Variants in ABHD6 observed in about 807,000 individuals in gnomAD.
The protein encoded by ABHD6 is abhydrolase domain containing 6, acylglycerol lipase.
In ABHD6, 33 loss-of-function variants were observed where a neutral mutation model predicts 38.8. The ratio of observed to expected loss-of-function variants is 0.85; its 90% CI spans 0.64 to 1.14. ABHD6 has a LOEUF of 1.14. Ranked by LOEUF, ABHD6 falls within the 50% of genes most tolerant of loss-of-function variation. The pLI is 0.00. For synonymous variants in ABHD6, 147 were observed against 161.6 expected, an observed-to-expected ratio of 0.91 and a Z score of 0.69; for missense variants, 380 against 422.6, an observed-to-expected ratio of 0.90 and a Z score of 0.88.
rs1006275353 is a variant in ABHD6, at chr3:58,255,875, C to T, written c.-25-687C>T. Among the ~76,000 whole-genome samples the T allele has an allele frequency of 2.1e-4, 31 of 151,186 alleles. 1 individual carries two copies. Among genetic ancestry groups the T allele is most frequent in the Admixed American group, 1.5e-3 (23 of 15,176 alleles). On this transcript the variant is annotated intron_variant, in intron 2 of 9. Coordinates refer to ENST00000478253, the MANE Select transcript of ABHD6 (RefSeq NM_001320126.2). ...GGCTAGGCTAGTCTCGAACTCCTGA[C>T]CTTAAGTGATCCGCCCACCTCAGCC...
At chr3:58,244,836 A>G (rs1215657396) in intron 1 of ABHD6, among the ~76,000 whole-genome samples, 1 of 152,222 alleles carries the variant, frequency 6.6e-6, no homozygotes, top group African/African-American at 2.4e-5. Context: ...CTTTTAAAAT[A>G]GATAGATTCG....
chr3:58,244,686 C>A (rs372103528), intron 1 of ABHD6, among the ~76,000 whole-genome samples: 9 of 151,796 alleles, frequency 5.9e-5, no homozygotes, highest in African/African-American at 1.9e-4. Context: ...ATCACTTGGG[C>A]CCAGGAGGTC....
At chr3:58,252,535 G>T (rs775279044) in intron 2 of ABHD6, among the ~76,000 whole-genome samples, 2 of 152,086 alleles carry the variant, frequency 1.3e-5, no homozygotes, top group African/African-American at 2.4e-5. Flanking sequence ...CCACCACACT[G>T]AGAGTTTCTC....
At chr3:58,243,179 CAT>C (rs1237121921) in intron 1 of ABHD6, among the ~76,000 whole-genome samples, 1 of 152,174 alleles carries the variant, frequency 6.6e-6, no homozygotes, top group Admixed American at 6.5e-5. Flanking sequence ...CTGCAATAAA[CAT>C]ATGTGTTCAT....
chr3:58,249,380 T>C (rs2107423184), intron 1 of ABHD6, among the ~76,000 whole-genome samples: 1 of 152,350 alleles, frequency 6.6e-6, no homozygotes, highest in Non-Finnish European at 1.5e-5. Context: ...CTCATTCTCT[T>C]GCTGCTGAGC....
intron 3 of ABHD6, among the ~76,000 whole-genome samples, chr3:58,262,691 G>T (rs2097437857): frequency 6.6e-6 from 1 of 152,080 alleles, no homozygotes; most frequent in South Asian, 2.1e-4. Context: ...TTCCATCTGG[G>T]CCATGGGTCT....
chr3:58,267,187 A>C lies in ABHD6; in HGVS notation c.120-2A>C, dbSNP rs1330710840. 1 of 1,613,710 alleles carries C rather than the reference A, an allele frequency of 6.2e-7. No individual in the cohort carries two copies. Reference sequence around the variant, plus strand: ...TTTGTCTTTATTTCTCACCCCTTCCAGGTACTGGCGGAGGACATTGGGCAT... The same window carrying C: ...TTTGTCTTTATTTCTCACCCCTTCCCGGTACTGGCGGAGGACATTGGGCAT... On this transcript the variant is annotated splice_acceptor_variant, in intron 3 of 9. Transcript: ENST00000478253. LOFTEE classifies it high-confidence loss of function. This position sits in a 1 kb window ranked among gnomAD's most constrained non-coding sequence, Gnocchi z 4.3.
In ABHD6 at chr3:58,256,508, C is replaced by CT. The variant is rs2107436638; in HGVS notation, c.-25-48dup. 4 of 1,103,378 alleles carry CT rather than the reference C, an allele frequency of 3.6e-6. No homozygotes were observed. Among genetic ancestry groups the CT allele is most frequent in the Admixed American group, 2.2e-5 (1 of 45,368 alleles). 68.3% of individuals were successfully genotyped at this position (1,103,378 alleles called of 1,614,324 possible). A position where few individuals can be genotyped will look rare whatever the true frequency, so the allele number is the denominator to read the frequency against. On this transcript the variant is annotated intron_variant, in intron 2 of 9. Coordinates refer to ENST00000478253, the MANE Select transcript of ABHD6 (RefSeq NM_001320126.2). This position sits in a 1 kb window ranked among gnomAD's most constrained non-coding sequence, Gnocchi z 4.3. ...TTTCTTGTCCCCTTTACTTCTTCGC[C>CT]TTTTTTCCTTTGATACAGAGTTTTA...
intron 6 of ABHD6, among the ~76,000 whole-genome samples, chr3:58,271,333 TA>T (rs3038089): frequency 0.54 from 80,149 of 149,048 alleles, 23,662 homozygotes; most frequent in African/African-American, 0.81. Context: ...ATTTAAAATT[TA>T]AAAAAAAAAA....
Position 58,285,454 on chromosome 3 carries a change from G to C in ABHD6, c.837+1G>C. ...GATCATCTGGGGGAAACAAGACCAGGTATGTAACACATCCCCGCGGCAGTC... is the reference window on the plus strand; with the variant it reads ...GATCATCTGGGGGAAACAAGACCAGCTATGTAACACATCCCCGCGGCAGTC... On this transcript the variant is annotated splice_donor_variant, in intron 9 of 9. Coordinates refer to ENST00000478253, the MANE Select transcript of ABHD6 (RefSeq NM_001320126.2). LOFTEE classifies it high-confidence loss of function. This position sits in a 1 kb window ranked among gnomAD's most constrained non-coding sequence, Gnocchi z 4.9. 4 of 1,613,198 alleles carry C rather than the reference G, an allele frequency of 2.5e-6. No individual in the cohort carries two copies. The highest frequency in any genetic ancestry group is 3.4e-6 in the Non-Finnish European group (4 of 1,179,134).
intron 7 of ABHD6, among the ~76,000 whole-genome samples, chr3:58,282,099 A>C (rs1050309009): frequency 1.3e-5 from 2 of 152,242 alleles, no homozygotes; most frequent in Non-Finnish European, 2.9e-5. Flanking sequence ...GAGAGAATGT[A>C]AGTGAAGAGG....
Position 58,287,633 on chromosome 3 carries a change from T to C in ABHD6, c.837+2180T>C, listed in dbSNP as rs978597626. ...CAGCAGAGAGTCATTTGATCAGGAA[T>C]CAGAGCCTGAGCAGCGAAGGCCTTC... On this transcript the variant is annotated intron_variant, in intron 9 of 9. Transcript: ENST00000478253. This position sits in a 1 kb window ranked among gnomAD's most constrained non-coding sequence, Gnocchi z 4.7. 6.6e-6 allele frequency among the ~76,000 whole-genome samples: 1 copy of C among 152,166 alleles called. No individual in the cohort carries two copies. Among genetic ancestry groups the C allele is most frequent in the African/African-American group, 2.4e-5 (1 of 41,444 alleles).
chr3:58,290,607 T>G (rs879022213), intron 9 of ABHD6, among the ~76,000 whole-genome samples: 3 of 142,354 alleles, frequency 2.1e-5, no homozygotes, highest in Non-Finnish European at 4.6e-5. Context: ...GCGGAGGGGC[T>G]CCTCACTTCT....
chr3:58,256,650 G>A lies in ABHD6; in HGVS notation c.64G>A (p.Ala22Thr). 6.2e-7 allele frequency: 1 copy of A among 1,613,764 alleles called. No homozygotes were observed. Among genetic ancestry groups the A allele is most frequent in the Non-Finnish European group, 8.5e-7 (1 of 1,180,028 alleles). Residue 22 changes from alanine (A) to threonine (T), a missense_variant, in exon 3 of 10, where the codon GCA becomes ACA. Physicochemically the swap from Ala to Thr is moderately conservative, Grantham distance 58 (BLOSUM62 0). Transcript: ENST00000478253. This position sits in a 1 kb window ranked among gnomAD's most constrained non-coding sequence, Gnocchi z 4.3. ...AGGTLAIPILAFVASFLLWPS... is the reference protein window; with the variant it reads ...AGGTLAIPILTFVASFLLWPS... ...CGGCACGCTGGCCATCCCAATCCTGGCATTTGTGGCTTCATTTCTTCTGTG... is the reference window on the plus strand; with the variant it reads ...CGGCACGCTGGCCATCCCAATCCTGACATTTGTGGCTTCATTTCTTCTGTG...
intron 3 of ABHD6, among the ~76,000 whole-genome samples, chr3:58,261,641 C>T (rs1165716904): frequency 6.6e-6 from 1 of 152,178 alleles, no homozygotes; most frequent in East Asian, 1.9e-4. Flanking sequence ...AGCCACCATG[C>T]CCGGCCTGGT....
intron 1 of ABHD6, among the ~76,000 whole-genome samples, chr3:58,246,265 G>A (rs958101777): frequency 2.6e-5 from 4 of 152,254 alleles, no homozygotes; most frequent in African/African-American, 9.6e-5. Context: ...TCAAGCAGGC[G>A]GTTATTCCAG....
At chr3:58,258,795 T>C (rs1472360795) in intron 3 of ABHD6, among the ~76,000 whole-genome samples, 1 of 152,172 alleles carries the variant, frequency 6.6e-6, no homozygotes, top group Non-Finnish European at 1.5e-5. Context: ...TCCTTGAAAC[T>C]AATTGAATGG....
chr3:58,242,168 G>A (rs1415119094), intron 1 of ABHD6, among the ~76,000 whole-genome samples: 1 of 152,134 alleles, frequency 6.6e-6, no homozygotes, highest in African/African-American at 2.4e-5. Context: ...CATGTCTGGG[G>A]GTTGCAGATC....
At chr3:58,286,844 G>A (rs1303826923) in intron 9 of ABHD6, among the ~76,000 whole-genome samples, 2,630 of 49,858 alleles carry the variant, frequency 0.053, 151 homozygotes, top group African/African-American at 0.21. Context: ...GTGTGTGTGT[G>A]TGTGTGTGTA....
Sources: allele counts gnomAD v4.1 joint callset (sites outside exome capture counted in the v4.1 genomes callset), GRCh38; gene constraint gnomAD v4.1.1; non-coding constraint Gnocchi (gnomAD v3.1); transcripts MANE v1.5; gene names NCBI Gene and HGNC (gene_info 2026-07-23, HGNC 2026-07-21).